The following SBF1 variants were observed in gnomAD, a reference collection of about 807,000 sequenced individuals.
SBF1 encodes the protein SET binding factor 1.
SBF1 carries 65 observed loss-of-function variants against 215.8 expected under a neutral mutation model. That is an observed-to-expected ratio of 0.30 (90% CI 0.25 to 0.37). The LOEUF is 0.37. Ranked by LOEUF, SBF1 falls within the 10% of genes least tolerant of loss-of-function variation. The probability of loss-of-function intolerance (pLI) is 1.00; values close to 1 mark genes in which losing one functional copy is unlikely to be tolerated. For synonymous variants in SBF1, 1,410 were observed against 1,122.8 expected (o/e 1.26, Z -5.11); for missense variants, 2,634 against 2,667.8 (o/e 0.99, Z 0.28).
At position 50,464,606 on chromosome 22, in the gene SBF1, C is replaced by T. The variant is rs750411731; in HGVS notation, c.1564G>A (p.Ala522Thr). ...GCTGGGGGTGCACCCTGCATCTTGG[C>T]TGCAGCCTGGTCCACGATCCACTGC... ...TVQWIVDQAA[A>T]KMQGAPPAVK... The change falls in exon 14 of 41, where the codon GCC becomes ACC. Residue 522 changes from alanine to threonine, a missense_variant. By Grantham distance (58) the Ala-to-Thr change is moderately conservative (BLOSUM62 0). Transcript: ENST00000380817. 15 of 1,611,708 alleles carry T rather than the reference C, an allele frequency of 9.3e-6. No individual in the cohort carries two copies. Among genetic ancestry groups the T allele is most frequent in the Non-Finnish European group, 1.3e-5 (15 of 1,179,858 alleles).
chr22:50,454,472 G>A, intron 36 of SBF1, 40 bp downstream of exon 36: 1 of 1,542,298 alleles, frequency 6.5e-7, no homozygotes, highest in Non-Finnish European at 8.9e-7. Flanking sequence ...GCGAGAGGAG[G>A]GGGGTGCCAG....
intron 36 of SBF1, 128 bp downstream of exon 36, chr22:50,454,384 G>A: frequency 1.2e-6 from 1 of 822,030 alleles, no homozygotes. Context: ...AGACGGCAGG[G>A]CCACACCAAC....
chr22:50,470,209 G>C, intron 1 of SBF1, among the ~76,000 whole-genome samples: 1 of 150,968 alleles, frequency 6.6e-6, no homozygotes. Context: ...CTGGCACCCA[G>C]GGCTCACCCA....
Position 50,467,544 on chromosome 22 carries a change from C to T in SBF1, c.426G>A (p.Thr142=), listed in dbSNP as rs757259085. ...CTGCCGGCCTCACCCTGAACACCTC[C>T]GTGTGGTCGAGTCGCGACACCAGTA... ...TLVLVSRLDH[T]EVFRNSLGLI... The change falls in exon 4 of 41, where the codon ACG becomes ACA. Residue 142 remains threonine, a synonymous_variant. Transcript: ENST00000380817. 7 of 1,614,152 alleles carry T rather than the reference C, an allele frequency of 4.3e-6. No individual in the cohort carries two copies. The highest frequency in any genetic ancestry group is 4.5e-5 in the East Asian group (2 of 44,890).
rs1279536100 is a variant in SBF1 at position 50,446,755 on chromosome 22, G to A, written c.*387C>T. The A allele has an allele frequency of 1.9e-6, 1 of 516,416 alleles. No individual in the cohort carries two copies. The highest frequency in any genetic ancestry group is 5.0e-5 in the East Asian group (1 of 20,076). 32.0% of individuals were successfully genotyped at this position (516,416 alleles called of 1,614,324 possible). A position where few individuals can be genotyped will look rare whatever the true frequency, so the allele number is the denominator to read the frequency against. ...GGATAGGGGCAGATGGGACCCTCTG[G>A]GTAGGCCGAGAGCAGGCAGCCGGGG... On this transcript the variant is annotated 3_prime_UTR_variant, in exon 41 of 41. Transcript: ENST00000380817.
In SBF1 at chr22:50,459,499, A is replaced by G. The variant is rs747593207; in HGVS notation, c.3659T>C (p.Leu1220Pro). 1 of 1,610,242 alleles carries G rather than the reference A, an allele frequency of 6.2e-7. No individual in the cohort carries two copies. Among genetic ancestry groups the G allele is most frequent in the Non-Finnish European group, 8.5e-7 (1 of 1,179,812 alleles). ...AGAAGGTGCGTTCTGGGCCTTGAAG[A>G]GGCCGACGACACCTTTGCCATGCAG... Reference protein sequence around the residue: ...GGLHGKGVVGLFKAQNAPSPG... With the variant: ...GGLHGKGVVGPFKAQNAPSPG... Residue 1220 changes from leucine (L) to proline (P), a missense_variant, in exon 27 of 41, where the codon CTC becomes CCC. Leu to Pro is a moderately conservative substitution (Grantham distance 98, BLOSUM62 -3). Transcript: ENST00000380817.
Position 50,460,003 on chromosome 22 carries a change from G to A in SBF1, c.3440C>T (p.Ser1147Phe), listed in dbSNP as rs746975692. The A allele has an allele frequency of 6.2e-7, 1 of 1,613,974 alleles. No homozygotes were observed. Among genetic ancestry groups the A allele is most frequent in the Non-Finnish European group, 8.5e-7 (1 of 1,179,970 alleles). ...TLSSSLSRAK[S>F]EPFRISPVNR... is the part of the protein sequence containing the mutation. ...GACCGGAGAAATGCGGAAGGGCTCA[G>A]ACTTGGCCCGGCTCAGGCTGCTGCT... Residue 1147 changes from serine to phenylalanine, a missense_variant, in exon 26 of 41, where the codon TCT (serine) becomes TTT (phenylalanine). Ser to Phe is a radical substitution (Grantham distance 155). Transcript: ENST00000380817.
In SBF1 at chr22:50,461,954, C is replaced by T; in HGVS notation, c.2562G>A (p.Met854Ile). 6.2e-7 allele frequency: 1 copy of T among 1,614,154 alleles called. No homozygotes were observed. Among genetic ancestry groups the T allele is most frequent in the Non-Finnish European group, 8.5e-7 (1 of 1,179,968 alleles). ...TSDHLKGLHV[M>I]VPDIVQMHIE... ...CAGCCCAAACCCCCGTACCTGGCACCATGACATGCAGCCCCTTGAGGTGGT... is the reference window on the plus strand; with the variant it reads ...CAGCCCAAACCCCCGTACCTGGCACTATGACATGCAGCCCCTTGAGGTGGT... The change falls in exon 20 of 41, where the codon ATG (methionine) becomes ATA (isoleucine). Residue 854 changes from methionine to isoleucine, a missense_variant. Physicochemically the swap from Met to Ile is conservative, Grantham distance 10. Coordinates refer to ENST00000380817, the MANE Select transcript of SBF1 (RefSeq NM_002972.4).
chr22:50,448,149 C>T (rs2066908632), intron 38 of SBF1, 84 bp downstream of exon 38: 8 of 1,395,056 alleles, frequency 5.7e-6, no homozygotes, highest in Non-Finnish European at 6.0e-6. Context: ...CAAAAGCACC[C>T]GCAATCTCCC....
At chr22:50,449,775 A>G (rs888979276) in intron 36 of SBF1, among the ~76,000 whole-genome samples, 1 of 152,238 alleles carries the variant, frequency 6.6e-6, no homozygotes, top group Non-Finnish European at 1.5e-5. Flanking sequence ...GCTGACTTCA[A>G]AAGAGAAACA....
In SBF1 at chr22:50,446,064, A is replaced by C. The variant is rs143322988; in HGVS notation, c.*1078T>G. ...AACCCTCCCCACCTTCTGCTCCTGCACCCCTGGCCAGGCCTCGTCACAGGC... is the reference window on the plus strand; with the variant it reads ...AACCCTCCCCACCTTCTGCTCCTGCCCCCCTGGCCAGGCCTCGTCACAGGC... On this transcript the variant is annotated 3_prime_UTR_variant, in exon 41 of 41. Coordinates refer to ENST00000380817, the MANE Select transcript of SBF1 (RefSeq NM_002972.4). 1 of 153,054 alleles carries C rather than the reference A, an allele frequency of 6.5e-6. No homozygotes were observed. The highest frequency in any genetic ancestry group is 1.9e-4 in the East Asian group (1 of 5,204). 9.5% of individuals were successfully genotyped at this position (153,054 alleles called of 1,614,324 possible).
rs907486796 is a variant in SBF1, at chr22:50,467,150, C to T, written c.549+188G>A. ...GGACAGAGAGGCTGAACGACACAGGCCCAGAGCACAGGTGCGAGGGCCAGG... is the reference window on the plus strand; with the variant it reads ...GGACAGAGAGGCTGAACGACACAGGTCCAGAGCACAGGTGCGAGGGCCAGG... On this transcript the variant is annotated intron_variant, in intron 5 of 40. Coordinates refer to ENST00000380817, the MANE Select transcript of SBF1 (RefSeq NM_002972.4). The T allele has an allele frequency of 9.9e-6, 6 of 606,160 alleles. 1 individual carries two copies. The highest frequency in any genetic ancestry group is 8.8e-5 in the Admixed American group (3 of 34,164). 37.5% of individuals were successfully genotyped at this position (606,160 alleles called of 1,614,324 possible).
intron 31 of SBF1, chr22:50,455,810 G>C: frequency 1.7e-6 from 1 of 587,102 alleles, no homozygotes; most frequent in Non-Finnish European, 3.0e-6. Context: ...AAGCCCTCTA[G>C]GACTGAGGGA....
chr22:50,462,176 C>T, intron 19 of SBF1, 29 bp downstream of exon 19: 10 of 1,607,102 alleles, frequency 6.2e-6, no homozygotes, highest in Non-Finnish European at 8.5e-6. Context: ...CCCGCCTCCA[C>T]TGGGCCCAAC....
At chr22:50,453,827 A>G (rs184785528) in intron 36 of SBF1, among the ~76,000 whole-genome samples, 24 of 151,944 alleles carry the variant, frequency 1.6e-4, no homozygotes, top group Non-Finnish European at 2.9e-4. Flanking sequence ...CCACACAGCC[A>G]ACAGTGGGGA....
intron 36 of SBF1, among the ~76,000 whole-genome samples, chr22:50,449,617 AACACACAAACAC>A (rs1389221260): frequency 2.7e-4 from 11 of 41,282 alleles, no homozygotes; most frequent in Non-Finnish European, 4.6e-4. Context: ...TCTGTCTCAA[AACACACAAACAC>A]ACACACACAC....
At chr22:50,455,773 C>G in intron 31 of SBF1, 191 bp from the exon 32 acceptor site, 4 of 613,476 alleles carry the variant, frequency 6.5e-6, no homozygotes, top group Non-Finnish European at 1.2e-5. Flanking sequence ...CCGCCTCCAG[C>G]CTGCTGGTCA....
At chr22:50,461,340 C>A in intron 22 of SBF1, 54 bp from the exon 23 acceptor site, 1 of 1,556,984 alleles carries the variant, frequency 6.4e-7, no homozygotes, top group Non-Finnish European at 8.7e-7. Context: ...GGGGGGGGTC[C>A]CAGAATCTCA....
chr22:50,464,448 G>T lies in SBF1; in HGVS notation c.1637-7C>A, dbSNP rs745698873. ...CACCGCTCCAGTATGGCAGCTGCGG[G>T]GACAGAATACACACACTCGGACCCC... On this transcript the variant is annotated splice_region_variant and splice_polypyrimidine_tract_variant and intron_variant, in intron 14 of 40. Coordinates refer to ENST00000380817, the MANE Select transcript of SBF1 (RefSeq NM_002972.4). 1 of 1,612,378 alleles carries T rather than the reference G, an allele frequency of 6.2e-7. No individual in the cohort carries two copies. The highest frequency in any genetic ancestry group is 1.3e-5 in the African/African-American group (1 of 74,934).
Sources: allele counts gnomAD v4.1 joint callset (sites outside exome capture counted in the v4.1 genomes callset), GRCh38; gene constraint gnomAD v4.1.1; transcripts MANE v1.5; gene names NCBI Gene and HGNC (gene_info 2026-07-23, HGNC 2026-07-21).